TADA2A: variants seen among roughly 807,000 people sequenced by gnomAD.
TADA2A encodes the protein transcriptional adapter 2-alpha.
TADA2A carries 38 observed loss-of-function variants against 67.4 expected under a neutral mutation model. The ratio of observed to expected loss-of-function variants is 0.56; its 90% CI spans 0.44 to 0.74. The LOEUF (loss-of-function observed/expected upper bound fraction) is 0.74, where lower values mean the gene tolerates loss of function less well. Among genes scored for constraint, TADA2A ranks in the 30% least tolerant of loss-of-function variants. The probability of loss-of-function intolerance (pLI) is 0.00; values close to 1 mark genes in which losing one functional copy is unlikely to be tolerated. For synonymous variants in TADA2A, 192 were observed against 181.6 expected, an observed-to-expected ratio of 1.06 and a Z score of -0.46; for missense variants, 454 against 547.0, an observed-to-expected ratio of 0.83 and a Z score of 1.70.
chr17:37,436,321 C>G (rs10048204), intron 4 of TADA2A: 139 of 152,020 alleles, frequency 9.1e-4, no homozygotes, highest in African/African-American at 3.2e-3. Flanking sequence ...TTTCTGAGTT[C>G]GTTATATTTT....
At chr17:37,472,159 G>C (rs1386057191) in intron 14 of TADA2A, among the ~76,000 whole-genome samples, 1 of 151,898 alleles carries the variant, frequency 6.6e-6, no homozygotes, top group African/African-American at 2.4e-5. Flanking sequence ...TCTGCCTTCC[G>C]GATTCAAGCG....
intron 7 of TADA2A, 87 bp downstream of exon 7, chr17:37,442,739 C>T: frequency 8.1e-7 from 1 of 1,239,430 alleles, no homozygotes; most frequent in Non-Finnish European, 1.1e-6. Flanking sequence ...GATTCCATAC[C>T]ACTAAAAGGA....
chr17:37,470,189 T>C (rs1202239923), intron 12 of TADA2A, among the ~76,000 whole-genome samples: 1 of 152,194 alleles, frequency 6.6e-6, no homozygotes. Context: ...AGAAAAGGAA[T>C]ACAAATGTTT....
At chr17:37,441,074 G>A (rs1478207584) in intron 6 of TADA2A, among the ~76,000 whole-genome samples, 1 of 149,572 alleles carries the variant, frequency 6.7e-6, no homozygotes, top group Non-Finnish European at 1.5e-5. Context: ...CAACCTGGGT[G>A]ACAGAGTGAG....
intron 4 of TADA2A, among the ~76,000 whole-genome samples, chr17:37,432,349 T>C (rs957398115): frequency 1.1e-4 from 16 of 152,078 alleles, no homozygotes; most frequent in African/African-American, 3.9e-4. Flanking sequence ...GTATTTTTAG[T>C]AGAGACGGGG....
At chr17:37,454,299 CTTT>C (rs34841409) in intron 8 of TADA2A, 56 of 107,284 alleles carry the variant, frequency 5.2e-4, no homozygotes, top group Admixed American at 1.2e-3. Context: ...TTCTTTCTTT[CTTT>C]TTTTTTTTTT....
chr17:37,417,872 C>T (rs1440867373), intron 2 of TADA2A, among the ~76,000 whole-genome samples: 1 of 151,992 alleles, frequency 6.6e-6, no homozygotes, highest in Non-Finnish European at 1.5e-5. Context: ...AATGCTCTAA[C>T]TATAATAAAA....
chr17:37,455,359 T>TG (rs2070217298), intron 8 of TADA2A, among the ~76,000 whole-genome samples: 1 of 131,890 alleles, frequency 7.6e-6, no homozygotes, highest in Admixed American at 7.3e-5. Context: ...TTCTGAAGTT[T>TG]GTTTTTTTGT....
intron 3 of TADA2A, chr17:37,426,663 C>CA (rs1424101658): frequency 0.016 from 1,531 of 98,166 alleles, 77 homozygotes; most frequent in East Asian, 0.031. Context: ...GACTCCGTCT[C>CA]AGAAAAAAAA....
At position 37,422,049 on chromosome 17, in the gene TADA2A, T is replaced by C. The variant is rs1411558597; in HGVS notation, c.26-1460T>C. Among the ~76,000 whole-genome samples, 7 of 143,200 alleles carry C rather than the reference T, an allele frequency of 4.9e-5. No homozygotes were observed. In the Admixed American group the frequency reaches 5.0e-4, roughly 10 times the overall value. 93.9% of individuals were successfully genotyped at this position (143,200 alleles called of 152,430 possible). ...GCATACCGCCATGCTTGGCTAATTT[T>C]TTTGTTTTTTTTTTGAGACAGAGTA... On this transcript the variant is annotated intron_variant, in intron 2 of 15. Coordinates refer to ENST00000615182, the MANE Select transcript of TADA2A (RefSeq NM_001166105.3).
intron 8 of TADA2A, among the ~76,000 whole-genome samples, chr17:37,453,759 ATTTTTT>A (rs143096066): frequency 1.4e-4 from 10 of 69,066 alleles, no homozygotes; most frequent in Non-Finnish European, 2.4e-4. Context: ...GAAATAACTG[ATTTTTT>A]TTTTTTTTTT....
Position 37,442,604 on chromosome 17 carries a change from T to G in TADA2A, c.483T>G (p.Leu161=). Residue 161 remains leucine (L), a synonymous_variant, in exon 7 of 16, where the codon CTT becomes CTG. Transcript: ENST00000615182. ...CCCGACCTACCTTTGACTCCTTGCTTTCTCGGGACATGGCCGGGTACATGC... is the reference window on the plus strand; with the variant it reads ...CCCGACCTACCTTTGACTCCTTGCTGTCTCGGGACATGGCCGGGTACATGC... ...DPPRPTFDSL[L]SRDMAGYMPA... is the part of the protein sequence containing the mutation. 6.2e-7 allele frequency: 1 copy of G among 1,614,126 alleles called. No individual in the cohort carries two copies. The highest frequency in any genetic ancestry group is 8.5e-7 in the Non-Finnish European group (1 of 1,180,016).
intron 3 of TADA2A, 60 bp from the exon 4 acceptor site, chr17:37,426,890 A>G (rs2052426453): frequency 6.7e-7 from 1 of 1,490,020 alleles, no homozygotes; most frequent in Non-Finnish European, 9.1e-7. Flanking sequence ...AGAATAACAC[A>G]AACCTCCTCT....
intron 14 of TADA2A, among the ~76,000 whole-genome samples, chr17:37,472,535 A>T (rs1319545704): frequency 1.3e-5 from 2 of 152,134 alleles, no homozygotes; most frequent in African/African-American, 4.8e-5. Flanking sequence ...AAATCTAAAT[A>T]CAACTAAGTT....
intron 10 of TADA2A, 62 bp from the exon 11 acceptor site, chr17:37,465,368 AT>A: frequency 2.4e-6 from 3 of 1,276,506 alleles, no homozygotes; most frequent in East Asian, 4.7e-5. Flanking sequence ...AAAAAAAAAA[AT>A]GCTGAAAACT....
At position 37,477,028 on chromosome 17, in the gene TADA2A, G is replaced by T; in HGVS notation, c.*46G>T. 6.4e-7 allele frequency: 1 copy of T among 1,565,310 alleles called. No individual in the cohort carries two copies. The highest frequency in any genetic ancestry group is 1.2e-5 in the South Asian group (1 of 86,336). On this transcript the variant is annotated 3_prime_UTR_variant, in exon 16 of 16. Transcript: ENST00000615182. ...AGAAGTCAGAAGTTTGGAATGTGGT[G>T]GGTCAAAGGACAATATGGGTGGGCA...
chr17:37,461,827 G>C (rs853192), intron 9 of TADA2A: 221,551 of 319,320 alleles, frequency 0.69, 78,806 homozygotes, highest in East Asian at 0.94. Context: ...GTTATTGATT[G>C]ATTCATTCGT....
At chr17:37,411,022 G>A (rs140098390) in intron 1 of TADA2A, among the ~76,000 whole-genome samples, 238 of 152,228 alleles carry the variant, frequency 1.6e-3, no homozygotes, top group African/African-American at 5.5e-3. Context: ...ATTTATAGAG[G>A]ACCAGGTACC....
chr17:37,416,667 C>A (rs770712077), intron 2 of TADA2A, among the ~76,000 whole-genome samples: 3 of 151,816 alleles, frequency 2.0e-5, no homozygotes, highest in Admixed American at 6.6e-5. Context: ...GAGATTGAGA[C>A]CATCATGGCC....
Sources: gnomAD v4.1 joint callset for allele counts (sites outside exome capture counted in the v4.1 genomes callset) on GRCh38, gnomAD v4.1.1 for gene constraint, MANE v1.5 for transcripts, NCBI Gene and HGNC (gene_info 2026-07-23, HGNC 2026-07-21) for gene names.